The following NF1 variants were observed in gnomAD, a reference collection of about 807,000 sequenced individuals.
The protein encoded by NF1 is neurofibromin 1.
In NF1, 122 loss-of-function variants were observed where a neutral mutation model predicts 325.7. The ratio of observed to expected loss-of-function variants is 0.37; its 90% CI spans 0.32 to 0.44. NF1 has a LOEUF of 0.44. NF1 is among the 20% of genes least tolerant of loss of function. The probability of loss-of-function intolerance (pLI) is 1.00; values close to 1 mark genes in which losing one functional copy is unlikely to be tolerated. For synonymous variants in NF1, 1,091 were observed against 1,186.0 expected (o/e 0.92, Z 1.65); for missense variants, 2,140 against 3,415.4 (o/e 0.63, Z 9.31).
rs376660352 is a variant in NF1, at chr17:31,150,393, C to A, written c.61-5590C>A. On this transcript the variant is annotated intron_variant, in intron 1 of 57. Transcript: ENST00000358273. ...GTTAACACACCACGCACCACCAGTA[C>A]AATTTGTGTTTTTGTTCTGGTGGTT... 2.0e-4 allele frequency among the ~76,000 whole-genome samples: 30 copies of A among 152,226 alleles called. No individual in the cohort carries two copies. The East Asian group carries it at 3.7e-3, about 19-fold the overall frequency.
In NF1 at chr17:31,163,190, C is replaced by G. The variant is rs780979519; in HGVS notation, c.293C>G (p.Pro98Arg). ...DTLEKCLAGQ[P>R]KDTMRLDETM... ...ATGTGATTATTTCTATTTTAGCAAC[C>G]AAAGGACACAATGAGATTAGATGAA... The change falls in exon 4 of 58, where the codon CCA becomes CGA. Residue 98 changes from proline (P) to arginine (R), a missense_variant. Around this residue, in one of 10 missense-constraint regions of NF1, gnomAD observed 246 missense variants for 347.8 expected, o/e 0.71. Coordinates refer to ENST00000358273, the MANE Select transcript of NF1 (RefSeq NM_001042492.3). 1.2e-6 allele frequency: 2 copies of G among 1,613,784 alleles called. No individual in the cohort carries two copies. The highest frequency in any genetic ancestry group is 2.2e-5 in the South Asian group (2 of 91,030).
chr17:31,304,276 G>A (rs1335333586), intron 36 of NF1: 1 of 1,608,778 alleles, frequency 6.2e-7, no homozygotes, highest in Non-Finnish European at 8.5e-7. Context: ...TAACAGTTCT[G>A]CAGGTGGAGG....
intron 17 of NF1, among the ~76,000 whole-genome samples, 180 bp downstream of exon 17, chr17:31,225,430 C>T (rs894133993): frequency 9.9e-5 from 15 of 152,044 alleles, no homozygotes; most frequent in Non-Finnish European, 1.9e-4. Flanking sequence ...TTCCTCAGTT[C>T]CTCAACTTTA....
chr17:31,204,927 A>G (rs748596283), intron 11 of NF1, among the ~76,000 whole-genome samples: 2 of 152,164 alleles, frequency 1.3e-5, no homozygotes, highest in African/African-American at 2.4e-5. Flanking sequence ...GGAGGAATCC[A>G]TTATACTATC....
chr17:31,218,213 C>G (rs981585380), intron 13 of NF1, among the ~76,000 whole-genome samples: 3 of 152,078 alleles, frequency 2.0e-5, no homozygotes, highest in African/African-American at 7.2e-5. Context: ...CCAGTAAGTT[C>G]CAAACCAGAG....
chr17:31,282,363 C>T (rs1376455750), intron 36 of NF1, among the ~76,000 whole-genome samples: 2 of 137,386 alleles, frequency 1.5e-5, no homozygotes, highest in African/African-American at 5.6e-5. Context: ...GCCCGGGTGA[C>T]AGAGCGAGAT....
rs1334926587 is a variant in NF1, at chr17:31,201,466, T to G, written c.1241T>G (p.Leu414Arg). 6.2e-7 allele frequency: 1 copy of G among 1,612,378 alleles called. No homozygotes were observed. Among genetic ancestry groups the G allele is most frequent in the Non-Finnish European group, 8.5e-7 (1 of 1,178,972 alleles). The change falls in exon 11 of 58, where the codon CTC (leucine) becomes CGC (arginine). Residue 414 changes from leucine (L) to arginine (R), a missense_variant. Transcript: ENST00000358273. Reference sequence around the variant, plus strand: ...TTTCACTATGTGCTGGTAAATTCACTCCATCGAATCATCACCAATGTAAGT... The same window carrying G: ...TTTCACTATGTGCTGGTAAATTCACGCCATCGAATCATCACCAATGTAAGT... ...STFHYVLVNS[L>R]HRIITNSALD...
chr17:31,202,317 T>G (rs1458226149), intron 11 of NF1, among the ~76,000 whole-genome samples: 2 of 152,256 alleles, frequency 1.3e-5, no homozygotes. Context: ...CATTGATAAC[T>G]TAGTATATTT....
At chr17:31,127,646 G>A (rs190840303) in intron 1 of NF1, among the ~76,000 whole-genome samples, 20 of 150,320 alleles carry the variant, frequency 1.3e-4, no homozygotes, top group African/African-American at 4.4e-4. Flanking sequence ...TGCCCAGGCT[G>A]GTCTTAAACT....
chr17:31,344,562 C>A (rs2069920036), intron 48 of NF1, among the ~76,000 whole-genome samples: 1 of 152,214 alleles, frequency 6.6e-6, no homozygotes, highest in African/African-American at 2.4e-5. Context: ...CATGGAGATT[C>A]TCCCAGTTTT....
At chr17:31,357,402 C>T (rs200607880) in intron 54 of NF1, 33 bp downstream of exon 54, 42 of 1,533,342 alleles carry the variant, frequency 2.7e-5, no homozygotes, top group East Asian at 2.0e-4. Context: ...AATTCACCTT[C>T]GTGCCTGTCT....
chr17:31,174,191 TAAAGAA>T (rs1387970915), intron 5 of NF1, among the ~76,000 whole-genome samples: 1 of 152,182 alleles, frequency 6.6e-6, no homozygotes, highest in Non-Finnish European at 1.5e-5. Flanking sequence ...ACAATAAACT[TAAAGAA>T]GAAGAAATTA....
At chr17:31,212,966 A>T (rs1182461352) in intron 12 of NF1, among the ~76,000 whole-genome samples, 3 of 152,170 alleles carry the variant, frequency 2.0e-5, no homozygotes, top group Non-Finnish European at 4.4e-5. Context: ...TTTGTGGCAT[A>T]TGACTCTATT....
intron 36 of NF1, chr17:31,296,175 G>A: frequency 3.7e-6 from 6 of 1,613,230 alleles, no homozygotes; most frequent in Non-Finnish European, 5.1e-6. Context: ...TTCTCTTGCA[G>A]TCCAGATGGT....
chr17:31,360,005 GAAT>G (rs946207844), intron 56 of NF1: 38 of 178,384 alleles, frequency 2.1e-4, no homozygotes, highest in South Asian at 2.3e-4. Flanking sequence ...ACTATTACTT[GAAT>G]ATCTGTCAAC....
chr17:31,205,085 G>GTA (rs543588870), intron 11 of NF1, among the ~76,000 whole-genome samples: 542 of 152,234 alleles, frequency 3.6e-3, no homozygotes, highest in African/African-American at 0.012. Context: ...TTCAAAATGT[G>GTA]TATCATAAGT....
At chr17:31,252,021 A>G (rs910295026) in intron 30 of NF1, 1 of 216,206 alleles carries the variant, frequency 4.6e-6, no homozygotes, top group Non-Finnish European at 9.3e-6. Context: ...GGCTAGTCCA[A>G]TCAAGAGTCT....
chr17:31,202,016 C>T (rs1451282428), intron 11 of NF1, among the ~76,000 whole-genome samples: 1 of 152,056 alleles, frequency 6.6e-6, no homozygotes, highest in African/African-American at 2.4e-5. Flanking sequence ...GAAATATTAA[C>T]ATACTTTAAA....
chr17:31,222,021 T>A, intron 15 of NF1, 92 bp downstream of exon 15: 2 of 1,337,834 alleles, frequency 1.5e-6, no homozygotes, highest in Non-Finnish European at 1.9e-6. Context: ...TAGTACATTG[T>A]AAAACTTACA....
Sources: allele counts gnomAD v4.1 joint callset (sites outside exome capture counted in the v4.1 genomes callset), GRCh38; gene constraint gnomAD v4.1.1; regional missense constraint gnomAD v4.1.1; transcripts MANE v1.5; gene names NCBI Gene and HGNC (gene_info 2026-07-23, HGNC 2026-07-21).